Variants in TUBB1 observed in about 807,000 individuals in gnomAD.
TUBB1 encodes the protein tubulin beta 1 class VI.
Under a neutral mutation model 22.6 loss-of-function variants are expected in TUBB1, and 28 were observed. That is an observed-to-expected ratio of 1.24 (90% confidence interval 0.92 to 1.70). TUBB1 has a LOEUF of 1.70. Among genes scored for constraint, TUBB1 ranks in the 40% most tolerant of loss-of-function variants. The pLI is 0.00. For missense variants in TUBB1, 577 were observed against 605.5 expected (o/e 0.95, Z 0.49); for synonymous variants, 226 against 238.0 (o/e 0.95, Z 0.46).
rs932768327 is a variant in TUBB1 at position 59,025,843 on chromosome 20, A to G, written c.*1060A>G. ...ATGTTTGCATAATGACATAGCTTTA[A>G]GCACTACATGATTTTAATCTGCTCA... On this transcript the variant is annotated 3_prime_UTR_variant, in exon 4 of 4. Transcript: ENST00000217133. 1 of 152,266 alleles carries G rather than the reference A, an allele frequency of 6.6e-6. No individual in the cohort carries two copies. Among genetic ancestry groups the G allele is most frequent in the African/African-American group, 2.4e-5 (1 of 41,474 alleles). 9.4% of individuals were successfully genotyped at this position (152,266 alleles called of 1,614,324 possible).
Position 59,019,553 on chromosome 20 carries a change from C to T in TUBB1, c.31C>T (p.Gln11Ter). 3.1e-6 allele frequency: 5 copies of T among 1,614,160 alleles called. No individual in the cohort carries two copies. Among genetic ancestry groups the T allele is most frequent in the Non-Finnish European group, 4.2e-6 (5 of 1,180,028 alleles). Residue 11 changes from glutamine to a stop codon, truncating the protein, a stop_gained, in exon 1 of 4, where the codon CAG (glutamine) becomes TAG (stop). Coordinates refer to ENST00000217133, the MANE Select transcript of TUBB1 (RefSeq NM_030773.4). LOFTEE classifies it high-confidence loss of function. ...TGAAATTGTCCATATTCAGATTGGC[C>T]AGTGTGGCAACCAGATCGGAGCCAA... is the stretch of plus-strand genomic sequence containing the variant. MREIVHIQIG[Q>*]CGNQIGAKFW...
chr20:59,022,872 G>C lies in TUBB1; in HGVS notation c.85G>C (p.Gly29Arg), dbSNP rs752774040. The C allele has an allele frequency of 6.2e-7, 1 of 1,614,074 alleles. No homozygotes were observed. The highest frequency in any genetic ancestry group is 8.5e-7 in the Non-Finnish European group (1 of 1,180,014). Residue 29 changes from glycine (G) to arginine (R), a missense_variant, in exon 2 of 4, where the codon GGG becomes CGG. Gly to Arg is a moderately radical substitution (Grantham distance 125). Coordinates refer to ENST00000217133, the MANE Select transcript of TUBB1 (RefSeq NM_030773.4). ...KFWEMIGEEH[G>R]IDLAGSDRGA... ...CTGGGAGATGATTGGTGAGGAACACGGGATCGACTTGGCTGGGAGCGACCG... is the reference window on the plus strand; with the variant it reads ...CTGGGAGATGATTGGTGAGGAACACCGGATCGACTTGGCTGGGAGCGACCG...
upstream of TUBB1, chr20:59,019,338 T>A: frequency 1.5e-6 from 1 of 672,252 alleles, no homozygotes; most frequent in South Asian, 1.6e-5. Flanking sequence ...CAGGACTGGC[T>A]GAGGGCGGGG....
At chr20:59,018,538 G>C (rs2091954214), upstream of TUBB1, among the ~76,000 whole-genome samples, 1 of 152,072 alleles carries the variant, frequency 6.6e-6, no homozygotes, top group Non-Finnish European at 1.5e-5. Context: ...CTCCCGAGTA[G>C]CTGAGACTAC....
chr20:59,017,917 C>T (rs1047727325), upstream of TUBB1, among the ~76,000 whole-genome samples: 4 of 152,204 alleles, frequency 2.6e-5, 1 homozygote, highest in South Asian at 4.1e-4. Flanking sequence ...GACAGGTCCC[C>T]GTCCATAGCT....
In TUBB1 at chr20:59,024,542, C is replaced by G. The variant is rs577942311; in HGVS notation, c.1115C>G (p.Thr372Arg). ...GCCGCCACCTTCATTGGCAACAACACGGCCATCCAAGAGATCTTTAATAGG... is the reference window on the plus strand; with the variant it reads ...GCCGCCACCTTCATTGGCAACAACAGGGCCATCCAAGAGATCTTTAATAGG... ...SMAATFIGNN[T>R]AIQEIFNRVS... Residue 372 changes from threonine (T) to arginine (R), a missense_variant, in exon 4 of 4, where the codon ACG becomes AGG. Physicochemically the swap from Thr to Arg is moderately conservative, Grantham distance 71 (BLOSUM62 -1). Coordinates refer to ENST00000217133, the MANE Select transcript of TUBB1 (RefSeq NM_030773.4). This position sits in a 1 kb window ranked among gnomAD's most constrained non-coding sequence, Gnocchi z 4.9. 4 of 1,614,098 alleles carry G rather than the reference C, an allele frequency of 2.5e-6. No individual in the cohort carries two copies. In the Admixed American group the frequency reaches 6.7e-5, roughly 27 times the overall value.
At chr20:59,023,135 G>A (rs934514367) in intron 2 of TUBB1, among the ~76,000 whole-genome samples, 182 bp downstream of exon 2, 2 of 152,186 alleles carry the variant, frequency 1.3e-5, no homozygotes, top group African/African-American at 2.4e-5. Context: ...GCAGGAATGG[G>A]GAAGGAGCTG....
chr20:59,019,282 A>G, upstream of TUBB1: 1 of 594,748 alleles, frequency 1.7e-6, no homozygotes, highest in Non-Finnish European at 3.0e-6. Flanking sequence ...GAGGGAGGAA[A>G]AACACTCCCT....
At chr20:59,022,782 TTCTC>T (rs1454496497) in intron 1 of TUBB1, 59 bp from the exon 2 acceptor site, 6 of 1,496,076 alleles carry the variant, frequency 4.0e-6, no homozygotes, top group Non-Finnish European at 5.6e-6. Flanking sequence ...AATGCTAACT[TTCTC>T]TGTGGTTAAC....
At chr20:59,018,700 C>T (rs2091954766), upstream of TUBB1, among the ~76,000 whole-genome samples, 2 of 152,192 alleles carry the variant, frequency 1.3e-5, no homozygotes, top group Admixed American at 1.3e-4. Flanking sequence ...TGAGCCACCA[C>T]ACCCGGCTCT....
At position 59,025,092 on chromosome 20, in the gene TUBB1, C is replaced by T. The variant is rs146980135; in HGVS notation, c.*309C>T. 3.6e-4 allele frequency: 146 copies of T among 410,274 alleles called. No homozygotes were observed. The East Asian group carries it at 5.8e-3, about 16-fold the overall frequency. The allele number at this position is 410,274 out of a possible 1,614,324, so 25.4% of individuals were successfully genotyped here. ...GTGTTTGCCAGGCATCCAGACTACA[C>T]GTGTGGATTTGCAGGGAGCCACTGG... On this transcript the variant is annotated 3_prime_UTR_variant, in exon 4 of 4. Transcript: ENST00000217133.
chr20:59,020,477 C>A (rs982412069), intron 1 of TUBB1, among the ~76,000 whole-genome samples: 2 of 152,246 alleles, frequency 1.3e-5, no homozygotes, highest in Non-Finnish European at 1.5e-5. Flanking sequence ...AGCCACTGTA[C>A]CTGGCCCACT....
chr20:59,022,645 G>A (rs1463017215), intron 1 of TUBB1, among the ~76,000 whole-genome samples, 200 bp from the exon 2 acceptor site: 1 of 152,140 alleles, frequency 6.6e-6, no homozygotes, highest in Non-Finnish European at 1.5e-5. Context: ...GGGAGAAAAT[G>A]CAATCTTCAT....
chr20:59,019,156 G>A (rs1223776379), upstream of TUBB1: 1 of 332,536 alleles, frequency 3.0e-6, no homozygotes, highest in Non-Finnish European at 5.8e-6. Context: ...GGTCACTAGG[G>A]CCAGCATGGT....
chr20:59,018,357 C>A (rs2091953219), upstream of TUBB1, among the ~76,000 whole-genome samples: 1 of 151,752 alleles, frequency 6.6e-6, no homozygotes, highest in Non-Finnish European at 1.5e-5. Context: ...CAGCTGCTTT[C>A]AAGCTGCTGA....
At position 59,024,103 on chromosome 20, in the gene TUBB1, AACC is replaced by A; in HGVS notation, c.680_682del (p.His227del). 6.2e-7 allele frequency: 1 copy of A among 1,614,176 alleles called. No individual in the cohort carries two copies. The highest frequency in any genetic ancestry group is 8.5e-7 in the Non-Finnish European group (1 of 1,180,020). On this transcript the variant is annotated inframe_deletion, in exon 4 of 4. Transcript: ENST00000217133. This position sits in a 1 kb window ranked among gnomAD's most constrained non-coding sequence, Gnocchi z 4.9. ...GACGACACCCACCTATGGGGATCTC[AACC>A]ACCTAGTGTCCTTGACCATGAGCGG...
upstream of TUBB1, among the ~76,000 whole-genome samples, chr20:59,017,965 A>G (rs1023439943): frequency 1.3e-5 from 2 of 152,184 alleles, no homozygotes; most frequent in African/African-American, 2.4e-5. Context: ...TGCCCGGCAG[A>G]CGTTAAAGAG....
At chr20:59,022,775 GCTAA>G (rs747391278) in intron 1 of TUBB1, 66 bp from the exon 2 acceptor site, 5 of 1,428,066 alleles carry the variant, frequency 3.5e-6, no homozygotes, top group Non-Finnish European at 4.9e-6. Flanking sequence ...GCTTGGGAAT[GCTAA>G]CTTTCTCTGT....
chr20:59,022,043 AAAAG>A (rs1011660072), intron 1 of TUBB1, among the ~76,000 whole-genome samples: 10 of 152,152 alleles, frequency 6.6e-5, no homozygotes, highest in African/African-American at 1.9e-4. Context: ...AAAAATAAAA[AAAAG>A]AAAGAAAGGC....
Sources: allele counts gnomAD v4.1 joint callset (sites outside exome capture counted in the v4.1 genomes callset), GRCh38; gene constraint gnomAD v4.1.1; non-coding constraint Gnocchi (gnomAD v3.1); transcripts MANE v1.5; gene names NCBI Gene and HGNC (gene_info 2026-07-23, HGNC 2026-07-21).